The following HMGB1 variants were observed in gnomAD, a reference collection of about 807,000 sequenced individuals.
HMGB1 encodes the protein high mobility group box 1.
For synonymous variants in HMGB1, 81 were observed against 84.0 expected, an observed-to-expected ratio of 0.96 and a Z score of 0.19; for missense variants, 79 against 253.5, an observed-to-expected ratio of 0.31 and a Z score of 4.67.
intron 1 of HMGB1, among the ~76,000 whole-genome samples, chr13:30,588,220 A>C (rs1871234223): frequency 6.6e-6 from 1 of 152,246 alleles, no homozygotes; most frequent in Non-Finnish European, 1.5e-5. Flanking sequence ...ATTACATAGT[A>C]ACACAGAAAG....
chr13:30,602,125 T>C (rs1000784309), intron 1 of HMGB1, among the ~76,000 whole-genome samples: 11 of 151,948 alleles, frequency 7.2e-5, no homozygotes, highest in Non-Finnish European at 1.3e-4. Flanking sequence ...GCCTCAGACA[T>C]GTCACCGGGG....
rs904577665 is a variant in HMGB1, at chr13:30,457,323, T to C, written c.*4034A>G. 2 of 152,248 alleles carry C rather than the reference T, an allele frequency of 1.3e-5. No individual in the cohort carries two copies. Among genetic ancestry groups the C allele is most frequent in the African/African-American group, 2.4e-5 (1 of 41,444 alleles). 9.4% of individuals were successfully genotyped at this position (152,248 alleles called of 1,614,324 possible). Reference sequence around the variant, plus strand: ...CTTTCTATTTCTGGATTCCAGAGTCTGCATACCCTTGCCCACCACTGCTCA... The same window carrying C: ...CTTTCTATTTCTGGATTCCAGAGTCCGCATACCCTTGCCCACCACTGCTCA... On this transcript the variant is annotated 3_prime_UTR_variant, in exon 5 of 5. Coordinates refer to ENST00000341423, the MANE Select transcript of HMGB1 (RefSeq NM_002128.7).
In HMGB1 at chr13:30,512,164, T is replaced by C. The variant is rs192489255; in HGVS notation, c.-14-48470A>G. Among the ~76,000 whole-genome samples the C allele has an allele frequency of 7.9e-5, 12 of 151,180 alleles. No homozygotes were observed. The East Asian group carries it at 2.3e-3, about 29-fold the overall frequency. ...GCTTGTCTCTTAAAAAAAAAAAAGA[T>C]TGATTGGCAAGAGTAAATCAAAAGG... On this transcript the variant is annotated intron_variant, in intron 1 of 4. Coordinates refer to the HMGB1 transcript ENST00000405805.
chr13:30,616,534 T>C (rs1016209024), intron 1 of HMGB1: 1 of 152,236 alleles, frequency 6.6e-6, no homozygotes, highest in Non-Finnish European at 1.5e-5. Context: ...CTGAGTTTTG[T>C]CTATTTCAGG....
At position 30,599,223 on chromosome 13, in the gene HMGB1, C is replaced by T. The variant is rs1283042429; in HGVS notation, c.-15+17448G>A. Among the ~76,000 whole-genome samples the T allele has an allele frequency of 4.6e-5, 7 of 152,282 alleles. No homozygotes were observed. The South Asian group carries it at 1.0e-3, about 23-fold the overall frequency. The stretch of plus-strand genomic sequence containing the variant: ...ACGGCTCACGCCTGTAATCCCAGTA[C>T]TTTATGAGGCCAAGGTGGGCGGATC... On this transcript the variant is annotated intron_variant, in intron 1 of 4. Transcript: ENST00000405805.
chr13:30,588,214 C>T (rs1354457206), intron 1 of HMGB1, among the ~76,000 whole-genome samples: 1 of 152,066 alleles, frequency 6.6e-6, no homozygotes, highest in Admixed American at 6.6e-5. Context: ...AAAAATATTA[C>T]ATAGTAACAC....
At chr13:30,473,258 A>C (rs1182445830) in intron 1 of HMGB1, among the ~76,000 whole-genome samples, 1 of 152,208 alleles carries the variant, frequency 6.6e-6, no homozygotes, top group African/African-American at 2.4e-5. Context: ...ATAGCCATCA[A>C]TGCTATGGCA....
At chr13:30,507,486 A>G (rs1478175553) in intron 1 of HMGB1, among the ~76,000 whole-genome samples, 1 of 152,212 alleles carries the variant, frequency 6.6e-6, no homozygotes, top group Non-Finnish European at 1.5e-5. Flanking sequence ...GGAACAAAGT[A>G]TCTGGTTTCT....
At chr13:30,606,130 A>G (rs2137569540) in intron 1 of HMGB1, among the ~76,000 whole-genome samples, 1 of 152,296 alleles carries the variant, frequency 6.6e-6, no homozygotes, top group South Asian at 2.1e-4. Context: ...GTTTGAAAAG[A>G]CCTGTCCTAT....
chr13:30,563,343 T>A (rs1156352687), intron 1 of HMGB1, among the ~76,000 whole-genome samples: 1 of 152,190 alleles, frequency 6.6e-6, no homozygotes, highest in African/African-American at 2.4e-5. Context: ...GCGCAGTGGC[T>A]CACACCTGTA....
chr13:30,490,973 C>G (rs1384145197), intron 1 of HMGB1, among the ~76,000 whole-genome samples: 1 of 152,036 alleles, frequency 6.6e-6, no homozygotes, highest in African/African-American at 2.4e-5. Context: ...GAAATAGTCC[C>G]AGACATATAT....
chr13:30,571,009 T>C (rs371030414), intron 1 of HMGB1, among the ~76,000 whole-genome samples: 3 of 152,360 alleles, frequency 2.0e-5, no homozygotes, highest in South Asian at 2.1e-4. Flanking sequence ...CTTTTAAAAA[T>C]AGTCATGTTC....
chr13:30,591,027 C>CTTTTTT (rs910554887), intron 1 of HMGB1, among the ~76,000 whole-genome samples: 10 of 109,926 alleles, frequency 9.1e-5, no homozygotes, highest in African/African-American at 2.5e-4. Context: ...GAGGCAGGGC[C>CTTTTTT]TTTTTTTTTT....
chr13:30,484,739 AAGG>A lies in HMGB1; in HGVS notation c.-14-21048_-14-21046del, dbSNP rs530480070. 8.6e-5 allele frequency among the ~76,000 whole-genome samples: 13 copies of A among 151,948 alleles called. No individual in the cohort carries two copies. The South Asian group carries it at 2.3e-3, about 27-fold the overall frequency. On this transcript the variant is annotated intron_variant, in intron 1 of 4. Transcript: ENST00000405805. Reference sequence around the variant, plus strand: ...AGAGAGAAAGAGAGAGAGAGAAAAGAAGGAGGAGGAGTAGGAGGAAGAGGAAAG... The same window carrying A: ...AGAGAGAAAGAGAGAGAGAGAAAAGAAGGAGGAGTAGGAGGAAGAGGAAAG...
At chr13:30,570,359 TC>T (rs1870374703) in intron 1 of HMGB1, among the ~76,000 whole-genome samples, 1 of 152,234 alleles carries the variant, frequency 6.6e-6, no homozygotes, top group Admixed American at 6.5e-5. Flanking sequence ...CTTATGACTT[TC>T]CAAATGCTAG....
At chr13:30,528,482 T>G (rs947896335) in intron 1 of HMGB1, among the ~76,000 whole-genome samples, 1 of 152,160 alleles carries the variant, frequency 6.6e-6, no homozygotes, top group African/African-American at 2.4e-5. Context: ...TTGACTGAGT[T>G]TACACAAACT....
intron 1 of HMGB1, among the ~76,000 whole-genome samples, chr13:30,575,573 G>A (rs1870617470): frequency 6.6e-6 from 1 of 152,154 alleles, no homozygotes; most frequent in African/African-American, 2.4e-5. Flanking sequence ...AGTCTCCGTG[G>A]CTGAAGGCAA....
chr13:30,520,349 G>T (rs534120319), intron 1 of HMGB1, among the ~76,000 whole-genome samples: 1 of 151,624 alleles, frequency 6.6e-6, no homozygotes, highest in Non-Finnish European at 1.5e-5. Flanking sequence ...GCTGGGCGCA[G>T]TGGCTCACAC....
intron 1 of HMGB1, among the ~76,000 whole-genome samples, chr13:30,581,435 G>A (rs974492155): frequency 3.3e-5 from 5 of 152,116 alleles, no homozygotes; most frequent in African/African-American, 4.8e-5. Flanking sequence ...ATTAGAATAC[G>A]GTCATTTCCA....
Sources: allele counts gnomAD v4.1 joint callset (sites outside exome capture counted in the v4.1 genomes callset), GRCh38; gene constraint gnomAD v4.1.1; transcripts MANE v1.5; gene names NCBI Gene and HGNC (gene_info 2026-07-23, HGNC 2026-07-21).